The following ACER2 variants were observed in gnomAD, a reference collection of about 807,000 sequenced individuals.
ACER2 encodes alkCDase 2.
Under a neutral mutation model 34.7 loss-of-function variants are expected in ACER2, and 26 were observed. The ratio of observed to expected loss-of-function variants is 0.75; its 90% CI spans 0.55 to 1.04. The LOEUF (loss-of-function observed/expected upper bound fraction) is 1.04, where lower values mean the gene tolerates loss of function less well. Ranked by LOEUF, ACER2 falls within the 50% of genes least tolerant of loss-of-function variation. The pLI, the probability that ACER2 is intolerant of heterozygous loss-of-function variation, is 0.00. For synonymous variants in ACER2, 138 were observed against 132.1 expected (o/e 1.04, Z -0.31); for missense variants, 352 against 340.8 (o/e 1.03, Z -0.26).
intron 1 of ACER2, among the ~76,000 whole-genome samples, chr9:19,421,287 T>G (rs1338681853): frequency 6.6e-6 from 1 of 152,236 alleles, no homozygotes. Context: ...TGATTAAGTT[T>G]TAACATATGA....
chr9:19,409,891 C>A (rs1480282599), intron 1 of ACER2: 1 of 985,196 alleles, frequency 1.0e-6, no homozygotes, highest in Non-Finnish European at 1.2e-6. Context: ...TTTGGATTTG[C>A]CTAGGTCCCT....
intron 1 of ACER2, among the ~76,000 whole-genome samples, chr9:19,411,515 C>T (rs1476504802): frequency 1.3e-5 from 2 of 152,096 alleles, no homozygotes; most frequent in African/African-American, 2.4e-5. Context: ...GGATTACAGG[C>T]GTGAGTCACC....
At chr9:19,447,649 A>T (rs941406123) in intron 5 of ACER2, among the ~76,000 whole-genome samples, 4 of 152,200 alleles carry the variant, frequency 2.6e-5, no homozygotes, top group African/African-American at 9.7e-5. Context: ...ACCTCATTCA[A>T]GATGGTCATT....
In ACER2 at chr9:19,450,719, G is replaced by A. The variant is rs996600402; in HGVS notation, c.*83G>A. On this transcript the variant is annotated 3_prime_UTR_variant, in exon 6 of 6. Coordinates refer to ENST00000340967, the MANE Select transcript of ACER2 (RefSeq NM_001010887.3). Reference sequence around the variant, plus strand: ...GCTAGGAAGACAGCCAAGGGAGTTCGAATAGTTGGGGTGTGGGCTATCTTT... The same window carrying A: ...GCTAGGAAGACAGCCAAGGGAGTTCAAATAGTTGGGGTGTGGGCTATCTTT... 51 of 1,335,380 alleles carry A rather than the reference G, an allele frequency of 3.8e-5. No homozygotes were observed. Among genetic ancestry groups the A allele is most frequent in the Non-Finnish European group, 5.0e-5 (50 of 994,592 alleles). 82.7% of individuals were successfully genotyped at this position (1,335,380 alleles called of 1,614,324 possible).
At chr9:19,432,844 T>C (rs1199524213) in intron 3 of ACER2, among the ~76,000 whole-genome samples, 1 of 151,026 alleles carries the variant, frequency 6.6e-6, no homozygotes, top group Admixed American at 6.6e-5. Context: ...TCCTCCTACT[T>C]TGGCCTCCCA....
chr9:19,436,249 C>A (rs1260844224), intron 4 of ACER2, among the ~76,000 whole-genome samples: 2 of 152,046 alleles, frequency 1.3e-5, no homozygotes, highest in African/African-American at 2.4e-5. Context: ...TGCAGTCTGG[C>A]TCCCCTCCCC....
chr9:19,420,051 C>T (rs1222620167), intron 1 of ACER2, among the ~76,000 whole-genome samples: 1 of 152,156 alleles, frequency 6.6e-6, no homozygotes, highest in African/African-American at 2.4e-5. Context: ...CCTCACTTGC[C>T]CTATGCCTCA....
intron 1 of ACER2, among the ~76,000 whole-genome samples, chr9:19,423,631 G>A (rs1830473152): frequency 6.6e-6 from 1 of 152,198 alleles, no homozygotes; most frequent in African/African-American, 2.4e-5. Flanking sequence ...AACTCGGGAG[G>A]TAGAGGTTGC....
chr9:19,424,884 GTACCCAATATAACAATGTATATA>G (rs761878779), intron 3 of ACER2, 43 bp downstream of exon 3: 1 of 1,610,962 alleles, frequency 6.2e-7, no homozygotes, highest in Non-Finnish European at 8.5e-7. Flanking sequence ...ACTAGGTGCA[GTACCCAATATAACAATGTATATA>G]TGAAGAAAAA....
Position 19,424,058 on chromosome 9 carries a change from T to C in ACER2, c.223+82T>C. 3.3e-6 allele frequency: 4 copies of C among 1,200,944 alleles called. No individual in the cohort carries two copies. The South Asian group carries it at 4.9e-5, about 15-fold the overall frequency. The allele number at this position is 1,200,944 out of a possible 1,614,324, so 74.4% of individuals were successfully genotyped here. A position where few individuals can be genotyped will look rare whatever the true frequency, so the allele number is the denominator to read the frequency against. The stretch of plus-strand genomic sequence containing the variant: ...GGAATTCCACACACTTCCTCTCCCC[T>C]TTGAACATAATGTTTTGTAAACTGA... On this transcript the variant is annotated intron_variant, in intron 2 of 5. Transcript: ENST00000340967.
chr9:19,409,744 T>C lies in ACER2; in HGVS notation c.108+552T>C, dbSNP rs920364534. 5.1e-6 allele frequency: 5 copies of C among 985,106 alleles called. No individual in the cohort carries two copies. The African/African-American group carries it at 5.2e-5, about 10-fold the overall frequency. The allele number at this position is 985,106 out of a possible 1,614,324, so 61.0% of individuals were successfully genotyped here. A position where few individuals can be genotyped will look rare whatever the true frequency, so the allele number is the denominator to read the frequency against. ...TTATTTTTGGTCAGAATCAAGTTAA[T>C]TACTACTTGTTTTTTTTTCTTGCCT... On this transcript the variant is annotated intron_variant, in intron 1 of 5. Transcript: ENST00000340967.
At chr9:19,413,911 A>G (rs1830162635) in intron 1 of ACER2, among the ~76,000 whole-genome samples, 1 of 152,236 alleles carries the variant, frequency 6.6e-6, no homozygotes, top group African/African-American at 2.4e-5. Context: ...CGATCCATCA[A>G]TCTGAGCATT....
In ACER2 at chr9:19,409,162, C is replaced by A. The variant is rs142611269; in HGVS notation, c.78C>A (p.Ile26=). Residue 26 remains isoleucine, a synonymous_variant, in exon 1 of 6, where the codon ATC becomes ATA. Coordinates refer to ENST00000340967, the MANE Select transcript of ACER2 (RefSeq NM_001010887.3). ...ACTGGTGCGAGGACAACTACACCAT[C>A]GTGCCTGCTATCGCCGAGTTCTACA... ...EVDWCEDNYT[I]VPAIAEFYNT... is the part of the protein sequence containing the mutation. The A allele has an allele frequency of 2.3e-4, 370 of 1,604,742 alleles. No homozygotes were observed. The South Asian group carries it at 3.3e-3, about 14-fold the overall frequency.
At chr9:19,410,080 C>T (rs1048735465) in intron 1 of ACER2, among the ~76,000 whole-genome samples, 4 of 152,184 alleles carry the variant, frequency 2.6e-5, no homozygotes, top group African/African-American at 9.7e-5. Flanking sequence ...ATCTTTTCAC[C>T]GCCCAAACAA....
intron 5 of ACER2, among the ~76,000 whole-genome samples, chr9:19,449,939 G>A (rs567936040): frequency 2.1e-4 from 31 of 148,310 alleles, no homozygotes; most frequent in Non-Finnish European, 3.9e-4. Flanking sequence ...ATGGTCTATT[G>A]TTCGATAAAG....
At chr9:19,432,621 T>C (rs1830792990) in intron 3 of ACER2, among the ~76,000 whole-genome samples, 1 of 148,398 alleles carries the variant, frequency 6.7e-6, no homozygotes, top group African/African-American at 2.4e-5. Flanking sequence ...TTAATATAAT[T>C]ACACATATTT....
rs185146254 is a variant in ACER2 at position 19,443,154 on chromosome 9, C to T, written c.504-3127C>T. On this transcript the variant is annotated intron_variant, in intron 4 of 5. Coordinates refer to ENST00000340967, the MANE Select transcript of ACER2 (RefSeq NM_001010887.3). ...CGCGCCATTCTCCTGCTTCAGTCTC[C>T]GGAGTAGCTGGGACTTCAGGTGCCT... 4.0e-3 allele frequency among the ~76,000 whole-genome samples: 616 copies of T among 152,298 alleles called. 6 individuals carry two copies. Among genetic ancestry groups the T allele is most frequent in the South Asian group, 0.033 (158 of 4,826 alleles).
At chr9:19,441,420 C>CCTT (rs1390091345) in intron 4 of ACER2, among the ~76,000 whole-genome samples, 2 of 152,178 alleles carry the variant, frequency 1.3e-5, no homozygotes, top group Non-Finnish European at 2.9e-5. Context: ...CATGCTCCAG[C>CCTT]CTTCCCCTGT....
At chr9:19,434,431 G>A (rs1265516156) in intron 3 of ACER2, among the ~76,000 whole-genome samples, 1 of 152,250 alleles carries the variant, frequency 6.6e-6, no homozygotes, top group Non-Finnish European at 1.5e-5. Flanking sequence ...CAGCTGGGAG[G>A]TGGAGGTTGT....
Sources: allele counts gnomAD v4.1 joint callset (sites outside exome capture counted in the v4.1 genomes callset), GRCh38; gene constraint gnomAD v4.1.1; transcripts MANE v1.5; gene names NCBI Gene and HGNC (gene_info 2026-07-23, HGNC 2026-07-21).